SIDT2: variants seen among roughly 807,000 people sequenced by gnomAD.
SIDT2 encodes SID1 transmembrane family member 2.
SIDT2 carries 68 observed loss-of-function variants against 114.4 expected under a neutral mutation model. That is an observed-to-expected ratio of 0.59 (90% confidence interval 0.49 to 0.73). The LOEUF (loss-of-function observed/expected upper bound fraction) is 0.73, where lower values mean the gene tolerates loss of function less well. Among genes scored for constraint, SIDT2 ranks in the 30% least tolerant of loss-of-function variants. SIDT2 has a pLI of 0.00. For synonymous variants in SIDT2, 470 were observed against 438.4 expected, an observed-to-expected ratio of 1.07 and a Z score of -0.90; for missense variants, 918 against 1,097.1, an observed-to-expected ratio of 0.84 and a Z score of 2.31.
Position 117,179,285 on chromosome 11 carries a change from TTCTTGGTGC to T in SIDT2, c.31_39del (p.Leu11_Val13del). Reference sequence around the variant, plus strand: ...GGCCATGTTCGCTCTGGGCTTGCCCTTCTTGGTGCTCTTGGTGGCCTCGGTCGAGAGCCA... The same window carrying T: ...GGCCATGTTCGCTCTGGGCTTGCCCTTCTTGGTGGCCTCGGTCGAGAGCCA... On this transcript the variant is annotated inframe_deletion, in exon 1 of 26. Transcript: ENST00000324225. The T allele has an allele frequency of 1.9e-6, 3 of 1,613,628 alleles. No homozygotes were observed. The highest frequency in any genetic ancestry group is 2.5e-6 in the Non-Finnish European group (3 of 1,179,866).
intron 1 of SIDT2, 27 bp from the exon 2 acceptor site, chr11:117,181,389 G>A: frequency 6.2e-7 from 1 of 1,612,526 alleles, no homozygotes; most frequent in Non-Finnish European, 8.5e-7. Flanking sequence ...GCAGAGGCTT[G>A]AGAGGCATTT....
At position 117,179,435 on chromosome 11, in the gene SIDT2, A is replaced by T; in HGVS notation, c.172A>T (p.Thr58Ser). 1.2e-6 allele frequency: 2 copies of T among 1,613,008 alleles called. No individual in the cohort carries two copies. Among genetic ancestry groups the T allele is most frequent in the Non-Finnish European group, 1.7e-6 (2 of 1,179,424 alleles). Residue 58 changes from threonine (T) to serine (S), a missense_variant, in exon 1 of 26, where the codon ACC becomes TCC. Coordinates refer to ENST00000324225, the MANE Select transcript of SIDT2 (RefSeq NM_001040455.2). ...VNIYTFNHTV[T>S]RNRTEGVRVS... ...CATCTACACCTTCAACCATACTGTG[A>T]CCCGCAACAGGGTGAGGGCTGGGGG...
rs538192188 is a variant in SIDT2, at chr11:117,190,302, C to T, written c.1617+13C>T. 5.2e-6 allele frequency: 8 copies of T among 1,525,146 alleles called. No individual in the cohort carries two copies. In the South Asian group the frequency reaches 1.0e-4, roughly 20 times the overall value. The allele number at this position is 1,525,146 out of a possible 1,614,324, so 94.5% of individuals were successfully genotyped here. ...CCTCTGTGCCCTGGTAAGGGAGCAC[C>T]TGCCTGCCTGCCGCAGCCTCAGCTC... On this transcript the variant is annotated intron_variant, in intron 17 of 25. Transcript: ENST00000324225. This position sits in a 1 kb window ranked among gnomAD's most constrained non-coding sequence, Gnocchi z 4.1.
chr11:117,186,194 C>T lies in SIDT2; in HGVS notation c.933C>T (p.Thr311=), dbSNP rs752474544. The change falls in exon 9 of 26, where the codon ACC becomes ACT. Residue 311 remains threonine (T), a synonymous_variant. Coordinates refer to ENST00000324225, the MANE Select transcript of SIDT2 (RefSeq NM_001040455.2). The part of the protein sequence containing the change: ...LGIFLSFYLL[T]VLLACWENWR... ...TATTTCTCTCCTTTTACCTGCTGAC[C>T]GTCCTCCTGGCCTGCTGGGAGAACT... 6.8e-6 allele frequency: 11 copies of T among 1,613,924 alleles called. No homozygotes were observed. Among genetic ancestry groups the T allele is most frequent in the African/African-American group, 4.0e-5 (3 of 74,876 alleles).
At chr11:117,187,093 G>A in intron 10 of SIDT2, 1 of 1,443,482 alleles carries the variant, frequency 6.9e-7, no homozygotes, top group South Asian at 1.2e-5. Context: ...TCGTGGGCGG[G>A]CCAGTGTTGT....
chr11:117,192,699 T>C lies in SIDT2; in HGVS notation c.2058+49T>C, dbSNP rs1350363952. 1 of 1,612,178 alleles carries C rather than the reference T, an allele frequency of 6.2e-7. No homozygotes were observed. Among genetic ancestry groups the C allele is most frequent in the South Asian group, 1.1e-5 (1 of 91,064 alleles). The stretch of plus-strand genomic sequence containing the variant: ...CATTCTCCACATCTCCTTTCTTCCC[T>C]CTGATGGGGGAGTGGGGCTGGGCTG... On this transcript the variant is annotated intron_variant, in intron 21 of 25. Transcript: ENST00000324225. This position sits in a 1 kb window ranked among gnomAD's most constrained non-coding sequence, Gnocchi z 5.9.
chr11:117,194,182 G>C (rs975209683), intron 24 of SIDT2: 1 of 453,222 alleles, frequency 2.2e-6, no homozygotes, highest in Non-Finnish European at 4.0e-6. Flanking sequence ...TGGCGTGGTG[G>C]TATTCACCAG....
Position 117,187,673 on chromosome 11 carries a change from C to A in SIDT2, c.1133C>A (p.Thr378Asn). The change falls in exon 12 of 26, where the codon ACT (threonine) becomes AAT (asparagine). Residue 378 changes from threonine to asparagine, a missense_variant. By Grantham distance (65) the Thr-to-Asn change is moderately conservative. Transcript: ENST00000324225. ...STDGLVDSAG[T>N]GDLSYGYQGR... ...GATGGTCTGGTTGACAGCGCTGGCA[C>A]TGGGGACCTCTCTTACGGTTACCAG... The A allele has an allele frequency of 6.2e-7, 1 of 1,614,048 alleles. No individual in the cohort carries two copies. The highest frequency in any genetic ancestry group is 8.5e-7 in the Non-Finnish European group (1 of 1,180,010).
At position 117,193,357 on chromosome 11, in the gene SIDT2, C is replaced by T. The variant is rs544130509; in HGVS notation, c.2211+99C>T. The stretch of plus-strand genomic sequence containing the variant: ...GAGGGGCAGTGAGAAGTTTTCTGTC[C>T]CATCTTTGCTGGTTGCGGAGGGGAG... On this transcript the variant is annotated intron_variant, in intron 23 of 25. Coordinates refer to ENST00000324225, the MANE Select transcript of SIDT2 (RefSeq NM_001040455.2). 4 of 1,074,834 alleles carry T rather than the reference C, an allele frequency of 3.7e-6. No individual in the cohort carries two copies. The African/African-American group carries it at 6.3e-5, about 17-fold the overall frequency. 66.6% of individuals were successfully genotyped at this position (1,074,834 alleles called of 1,614,324 possible).
chr11:117,195,650 G>A, intron 24 of SIDT2, 152 bp from the exon 25 acceptor site: 1 of 728,480 alleles, frequency 1.4e-6, no homozygotes, highest in Admixed American at 2.3e-5. Context: ...AGATCGGGAA[G>A]GGGTAGGGAC....
intron 8 of SIDT2, chr11:117,185,871 CAAAAAAAA>C (rs34117588): frequency 1.1e-4 from 20 of 180,706 alleles, no homozygotes; most frequent in African/African-American, 2.0e-4. Flanking sequence ...GAGCCCGTCT[CAAAAAAAA>C]AAAAAAAAAA....
chr11:117,189,896 G>C lies in SIDT2; in HGVS notation c.1420-56G>C. 1.9e-6 allele frequency: 3 copies of C among 1,575,412 alleles called. No homozygotes were observed. The South Asian group carries it at 3.3e-5, about 17-fold the overall frequency. On this transcript the variant is annotated intron_variant, in intron 15 of 25. Coordinates refer to ENST00000324225, the MANE Select transcript of SIDT2 (RefSeq NM_001040455.2). ...GCCAAAGGGGCCCGGATGGCGGGGC[G>C]TGGGCTGAGTTGGGCGTGACGACAG...
Position 117,189,950 on chromosome 11 carries a change from AG to A in SIDT2, c.1420del. On this transcript the variant is annotated splice_acceptor_variant, in intron 15 of 25. Coordinates refer to ENST00000324225, the MANE Select transcript of SIDT2 (RefSeq NM_001040455.2). LOFTEE classifies it high-confidence loss of function. ...CACTCCCTGTCCCTGCTCCTGCTAC[AG>A]GTGGTGAATGTCACAGGGAATCAGG... The A allele has an allele frequency of 6.2e-7, 1 of 1,614,058 alleles. No individual in the cohort carries two copies. Among genetic ancestry groups the A allele is most frequent in the African/African-American group, 1.3e-5 (1 of 75,050 alleles).
intron 15 of SIDT2, 182 bp downstream of exon 15, chr11:117,189,583 C>T: frequency 1.5e-6 from 1 of 655,536 alleles, no homozygotes; most frequent in East Asian, 2.7e-5. Context: ...GTGTCAGTTT[C>T]TTCATCTGCA....
In SIDT2 at chr11:117,178,938, C is replaced by A. The variant is rs564147490; in HGVS notation, c.-326C>A. On this transcript the variant is annotated 5_prime_UTR_variant, in exon 1 of 26. Transcript: ENST00000324225. ...CCCGGCGTCTCCAGGCTCCCGGCAA[C>A]CAGCCGCCCTCCTTCTCACGGCCCT... 4.0e-6 allele frequency: 1 copy of A among 252,026 alleles called. No homozygotes were observed. The highest frequency in any genetic ancestry group is 7.6e-6 in the Non-Finnish European group (1 of 131,398). The allele number at this position is 252,026 out of a possible 1,614,324, so 15.6% of individuals were successfully genotyped here. A position where few individuals can be genotyped will look rare whatever the true frequency, so the allele number is the denominator to read the frequency against.
intron 8 of SIDT2, chr11:117,185,868 T>G: frequency 6.6e-6 from 2 of 304,400 alleles, no homozygotes; most frequent in Non-Finnish European, 5.6e-6. Context: ...AGTGAGCCCG[T>G]CTCAAAAAAA....
In SIDT2 at chr11:117,196,035, C is replaced by T; in HGVS notation, c.2468C>T (p.Thr823Ile). The T allele has an allele frequency of 6.2e-7, 1 of 1,614,262 alleles. No individual in the cohort carries two copies. Among genetic ancestry groups the T allele is most frequent in the East Asian group, 2.2e-5 (1 of 44,880 alleles). The change falls in exon 26 of 26, where the codon ACT (threonine) becomes ATT (isoleucine). Residue 823 changes from threonine (T) to isoleucine (I), a missense_variant. Coordinates refer to ENST00000324225, the MANE Select transcript of SIDT2 (RefSeq NM_001040455.2). The surrounding 1 kb of genome is among the most constrained non-coding windows in gnomAD (Gnocchi z 4.9). ...VLLTLDDDLD[T>I]VQRDKIYVF is the part of the protein sequence containing the mutation. ...CTGACACTGGATGACGACCTGGATA[C>T]TGTGCAGCGGGACAAGATCTATGTC...
chr11:117,185,150 C>T (rs1027444809), intron 8 of SIDT2, among the ~76,000 whole-genome samples: 2 of 151,156 alleles, frequency 1.3e-5, no homozygotes, highest in Non-Finnish European at 1.5e-5. Flanking sequence ...CCCAGGTTCA[C>T]GCCATTCTCC....
At position 117,179,256 on chromosome 11, in the gene SIDT2, C is replaced by T. The variant is rs1373983946; in HGVS notation, c.-8C>T. 4.4e-6 allele frequency: 7 copies of T among 1,606,278 alleles called. No homozygotes were observed. The highest frequency in any genetic ancestry group is 6.0e-6 in the Non-Finnish European group (7 of 1,176,030). On this transcript the variant is annotated 5_prime_UTR_variant, in exon 1 of 26. Transcript: ENST00000324225. ...CACCACCGCTGCCACTGCCGCCCTG[C>T]CGGGGCCATGTTCGCTCTGGGCTTG...
Sources: gnomAD v4.1 joint callset for allele counts (sites outside exome capture counted in the v4.1 genomes callset) on GRCh38, gnomAD v4.1.1 for gene constraint, Gnocchi (gnomAD v3.1) non-coding constraint, MANE v1.5 for transcripts, NCBI Gene and HGNC (gene_info 2026-07-23, HGNC 2026-07-21) for gene names.